The following VTI1A variants were observed in gnomAD, a reference collection of about 807,000 sequenced individuals.
VTI1A encodes vesicle transport through interaction with t-SNAREs homolog 1A.
VTI1A carries 22 observed loss-of-function variants against 34.9 expected under a neutral mutation model. The observed-to-expected ratio is 0.63, with a 90% CI of 0.45 to 0.90. The LOEUF (loss-of-function observed/expected upper bound fraction) is 0.90, where lower values mean the gene tolerates loss of function less well. Ranked by LOEUF, VTI1A falls within the 40% of genes least tolerant of loss-of-function variation. VTI1A has a pLI of 0.00. For synonymous variants in VTI1A, 87 were observed against 97.3 expected, an observed-to-expected ratio of 0.89 and a Z score of 0.62; for missense variants, 268 against 275.6, an observed-to-expected ratio of 0.97 and a Z score of 0.20.
intron 5 of VTI1A, among the ~76,000 whole-genome samples, chr10:112,624,297 G>GA (rs1845838476): frequency 6.6e-6 from 1 of 151,618 alleles, no homozygotes; most frequent in Non-Finnish European, 1.5e-5. Context: ...ATGTGAAGGG[G>GA]GAAAAAAAAG....
At chr10:112,527,787 A>C (rs1238500059) in intron 4 of VTI1A, among the ~76,000 whole-genome samples, 1 of 151,860 alleles carries the variant, frequency 6.6e-6, no homozygotes, top group African/African-American at 2.4e-5. Flanking sequence ...AAAAAATAAG[A>C]TACAGTTTCT....
At chr10:112,840,417 C>CT in the VTI1A span, among the ~76,000 whole-genome samples, 1 of 152,212 alleles carries the variant, frequency 6.6e-6, no homozygotes, top group Non-Finnish European at 1.5e-5. Flanking sequence ...CTGCCTGTCT[C>CT]TGAGTCTCTG....
intron 7 of VTI1A, among the ~76,000 whole-genome samples, chr10:112,689,328 T>G (rs999952363): frequency 6.6e-6 from 1 of 152,182 alleles, no homozygotes; most frequent in East Asian, 1.9e-4. Context: ...GTAACAGTCA[T>G]GTGCACCTAC....
chr10:112,517,940 C>T (rs553815225), intron 3 of VTI1A, among the ~76,000 whole-genome samples: 1 of 152,134 alleles, frequency 6.6e-6, no homozygotes, highest in Admixed American at 6.6e-5. Flanking sequence ...AAAAGGATGA[C>T]TTTAATTAAT....
intron 5 of VTI1A, among the ~76,000 whole-genome samples, chr10:112,641,727 G>A (rs527607298): frequency 7.9e-5 from 12 of 152,268 alleles, no homozygotes; most frequent in Admixed American, 5.9e-4. Flanking sequence ...GTGAGAGCAC[G>A]AGATTAGCCA....
intron 7 of VTI1A, among the ~76,000 whole-genome samples, chr10:112,808,910 A>G (rs997484095): frequency 2.0e-5 from 3 of 152,198 alleles, no homozygotes; most frequent in Non-Finnish European, 2.9e-5. Flanking sequence ...CTGACAGTCA[A>G]TCTCAGTAAA....
intron 3 of VTI1A, among the ~76,000 whole-genome samples, chr10:112,521,118 T>C (rs1850012939): frequency 6.6e-6 from 1 of 152,080 alleles, no homozygotes; most frequent in African/African-American, 2.4e-5. Flanking sequence ...TTCCAGCGAA[T>C]GAGCTTGACC....
chr10:112,752,854 T>C (rs184047471), intron 7 of VTI1A, among the ~76,000 whole-genome samples: 5 of 152,304 alleles, frequency 3.3e-5, no homozygotes, highest in East Asian at 3.9e-4. Context: ...TGTAGACTTA[T>C]TTTTGGTACT....
intron 5 of VTI1A, among the ~76,000 whole-genome samples, chr10:112,593,236 C>T (rs1265177815): frequency 2.0e-5 from 3 of 152,170 alleles, no homozygotes; most frequent in East Asian, 1.9e-4. Context: ...CATGCCAGGC[C>T]GATTGAGTCA....
At chr10:112,575,651 A>G (rs2134379774) in intron 5 of VTI1A, among the ~76,000 whole-genome samples, 2 of 152,362 alleles carry the variant, frequency 1.3e-5, no homozygotes, top group South Asian at 2.1e-4. Flanking sequence ...TTAACTAATT[A>G]CAAAACAAAA....
At chr10:112,728,238 A>G (rs1354729511) in intron 7 of VTI1A, among the ~76,000 whole-genome samples, 1 of 151,456 alleles carries the variant, frequency 6.6e-6, no homozygotes, top group Non-Finnish European at 1.5e-5. Flanking sequence ...TGCTAAAAGT[A>G]AAAGAAGAAA....
At chr10:112,625,325 C>G (rs1845881348) in intron 5 of VTI1A, among the ~76,000 whole-genome samples, 1 of 152,030 alleles carries the variant, frequency 6.6e-6, no homozygotes, top group East Asian at 1.9e-4. Flanking sequence ...GACTATTATT[C>G]TAAGTGAGGT....
intron 5 of VTI1A, among the ~76,000 whole-genome samples, chr10:112,578,403 G>A (rs1843789166): frequency 6.6e-6 from 1 of 152,112 alleles, no homozygotes; most frequent in Admixed American, 6.5e-5. Flanking sequence ...TATTGATTGA[G>A]TAAACAGTAA....
At chr10:112,848,248 C>G in the VTI1A span, among the ~76,000 whole-genome samples, 1 of 152,194 alleles carries the variant, frequency 6.6e-6, no homozygotes, top group Non-Finnish European at 1.5e-5. Flanking sequence ...CCAACCAGTT[C>G]TTTGTGTGGC....
At chr10:112,668,389 G>A in intron 6 of VTI1A, 101 bp downstream of exon 6, 3 of 1,279,844 alleles carry the variant, frequency 2.3e-6, no homozygotes, top group East Asian at 2.5e-5. Context: ...ATATATGTGT[G>A]TAAGGTGAAA....
rs80299219 is a variant in VTI1A, at chr10:112,777,363, A to T, written c.561-37927A>T. Among the ~76,000 whole-genome samples, 394 of 152,240 alleles carry T rather than the reference A, an allele frequency of 2.6e-3. 3 individuals are homozygous for T. Among genetic ancestry groups the T allele is most frequent in the African/African-American group, 9.2e-3 (380 of 41,524 alleles). The stretch of plus-strand genomic sequence containing the variant: ...TAGGCCCACTATAGAAAATTTCAGG[A>T]CCTTATGCACACAATACAAGCACTA... On this transcript the variant is annotated intron_variant, in intron 7 of 7. Coordinates refer to ENST00000393077, the MANE Select transcript of VTI1A (RefSeq NM_145206.4).
intron 5 of VTI1A, among the ~76,000 whole-genome samples, chr10:112,638,163 AC>A (rs1394893379): frequency 6.6e-6 from 1 of 152,212 alleles, no homozygotes; most frequent in Non-Finnish European, 1.5e-5. Flanking sequence ...TATGCTGTTT[AC>A]CTAAGGGTTT....
chr10:112,695,318 A>C (rs1214225584), intron 7 of VTI1A, among the ~76,000 whole-genome samples: 13 of 152,178 alleles, frequency 8.5e-5, no homozygotes, highest in Non-Finnish European at 1.9e-4. Flanking sequence ...GGGTATAAGG[A>C]AAAGGGCATA....
chr10:112,835,147 A>G, the VTI1A span, among the ~76,000 whole-genome samples: 1 of 152,102 alleles, frequency 6.6e-6, no homozygotes, highest in African/African-American at 2.4e-5. Context: ...TCCCAGGACA[A>G]AAGAGACCTC....
Sources: allele counts gnomAD v4.1 joint callset (sites outside exome capture counted in the v4.1 genomes callset), GRCh38; gene constraint gnomAD v4.1.1; transcripts MANE v1.5; gene names NCBI Gene and HGNC (gene_info 2026-07-23, HGNC 2026-07-21).